The following NOL9 variants were observed in gnomAD, a reference collection of about 807,000 sequenced individuals.
The protein encoded by NOL9 is nucleolar protein 9.
Under a neutral mutation model 67.9 loss-of-function variants are expected in NOL9, and 28 were observed. The observed-to-expected ratio is 0.41, with a 90% CI of 0.31 to 0.57. NOL9 has a LOEUF of 0.57. NOL9 is among the 20% of genes least tolerant of loss of function. The pLI is 0.25. For missense variants in NOL9, 777 were observed against 897.0 expected, an observed-to-expected ratio of 0.87 and a Z score of 1.71; for synonymous variants, 356 against 352.2, an observed-to-expected ratio of 1.01 and a Z score of -0.12.
intron 3 of NOL9, among the ~76,000 whole-genome samples, chr1:6,545,983 G>A (rs1639414411): frequency 6.7e-6 from 1 of 150,092 alleles, no homozygotes; most frequent in South Asian, 2.1e-4. Context: ...CGGCAATGCT[G>A]GATCTTAGAA....
intron 3 of NOL9, among the ~76,000 whole-genome samples, chr1:6,546,008 G>A (rs575139845): frequency 1.3e-5 from 2 of 149,502 alleles, no homozygotes; most frequent in East Asian, 3.9e-4. Context: ...ACAGAACAAG[G>A]CCTTCAACAA....
Position 6,550,525 on chromosome 1 carries a change from G to C in NOL9, c.487C>G (p.Gln163Glu). 1.2e-6 allele frequency: 2 copies of C among 1,614,084 alleles called. No homozygotes were observed. Among genetic ancestry groups the C allele is most frequent in the Non-Finnish European group, 1.7e-6 (2 of 1,180,014 alleles). The change falls in exon 2 of 12, where the codon CAA becomes GAA. Residue 163 changes from glutamine (Q) to glutamate (E), a missense_variant. This residue lies in a region of NOL9 where 364 missense variants were observed against 344.4 expected (regional missense o/e 1.06). Transcript: ENST00000377705. ...GFTISQGQPA[Q>E]DIFSVYTHSC... ...TGGGTATACACAGAGAAGATGTCTTGGGCAGGCTGGCCTTGGCTGATGGTA... is the reference window on the plus strand; with the variant it reads ...TGGGTATACACAGAGAAGATGTCTTCGGCAGGCTGGCCTTGGCTGATGGTA...
At chr1:6,534,439 G>A (rs568657575) in intron 6 of NOL9, among the ~76,000 whole-genome samples, 9 of 152,328 alleles carry the variant, frequency 5.9e-5, no homozygotes, top group African/African-American at 2.2e-4. Flanking sequence ...CCAGGACTGT[G>A]TGTGACAGGG....
intron 3 of NOL9, chr1:6,549,348 CG>C: frequency 2.3e-6 from 1 of 441,898 alleles, no homozygotes; most frequent in East Asian, 4.0e-5. Flanking sequence ...TAACCAACTA[CG>C]ATATAAAATG....
chr1:6,533,379 T>G lies in NOL9; in HGVS notation c.1138A>C (p.Lys380Gln). The stretch of plus-strand genomic sequence containing the variant: ...TCAATATAATTCTCATAGTTGTTTT[T>G]ACAAGAAGGTTTCCCATAATATACC... ...KMVYYGKPSCKNNYENYIDIV... is the reference protein window; with the variant it reads ...KMVYYGKPSCQNNYENYIDIV... The change falls in exon 7 of 12, where the codon AAA becomes CAA. Residue 380 changes from lysine to glutamine, a missense_variant. By Grantham distance (53) the Lys-to-Gln change is moderately conservative (BLOSUM62 1). This residue lies in a region of NOL9 where 413 missense variants were observed against 552.6 expected (regional missense o/e 0.75). Coordinates refer to ENST00000377705, the MANE Select transcript of NOL9 (RefSeq NM_024654.5). The G allele has an allele frequency of 6.2e-7, 1 of 1,613,452 alleles. No individual in the cohort carries two copies. The highest frequency in any genetic ancestry group is 8.5e-7 in the Non-Finnish European group (1 of 1,179,568).
intron 9 of NOL9, 103 bp from the exon 10 acceptor site, chr1:6,529,274 G>A: frequency 1.9e-6 from 2 of 1,032,950 alleles, no homozygotes; most frequent in East Asian, 2.6e-5. Flanking sequence ...GTCTGCCAAA[G>A]TGCCTACTCA....
chr1:6,533,381 C>T lies in NOL9; in HGVS notation c.1136G>A (p.Cys379Tyr). ...AATATAATTCTCATAGTTGTTTTTA[C>T]AAGAAGGTTTCCCATAATATACCAT... Reference protein sequence around the residue: ...QKMVYYGKPSCKNNYENYIDI... With the variant: ...QKMVYYGKPSYKNNYENYIDI... Residue 379 changes from cysteine (C) to tyrosine (Y), a missense_variant, in exon 7 of 12, where the codon TGT (cysteine) becomes TAT (tyrosine). Around this residue, in one of 2 missense-constraint regions of NOL9, gnomAD observed 413 missense variants for 552.6 expected, o/e 0.75. Coordinates refer to ENST00000377705, the MANE Select transcript of NOL9 (RefSeq NM_024654.5). 1 of 1,613,260 alleles carries T rather than the reference C, an allele frequency of 6.2e-7. No homozygotes were observed. Among genetic ancestry groups the T allele is most frequent in the Non-Finnish European group, 8.5e-7 (1 of 1,179,468 alleles).
In NOL9 at chr1:6,529,112, T is replaced by C. The variant is rs779779870; in HGVS notation, c.1707A>G (p.Ile569Met). Residue 569 changes from isoleucine (I) to methionine (M), a missense_variant, in exon 10 of 12, where the codon ATA becomes ATG. By Grantham distance (10) the Ile-to-Met change is conservative. This residue lies in a region of NOL9 where 413 missense variants were observed against 552.6 expected (regional missense o/e 0.75). Coordinates refer to ENST00000377705, the MANE Select transcript of NOL9 (RefSeq NM_024654.5). ...ITHSDVAPTHILYAVNASWVG... is the reference protein window; with the variant it reads ...ITHSDVAPTHMLYAVNASWVG... ...CCCAGCTGGCGTTTACAGCATATAG[T>C]ATATGGGTAGGGGCGACATCAGAGT... 3 of 1,613,926 alleles carry C rather than the reference T, an allele frequency of 1.9e-6. No homozygotes were observed. The highest frequency in any genetic ancestry group is 2.2e-5 in the East Asian group (1 of 44,870).
intron 6 of NOL9, among the ~76,000 whole-genome samples, chr1:6,540,179 G>A (rs1639250478): frequency 6.8e-6 from 1 of 146,970 alleles, no homozygotes; most frequent in Non-Finnish European, 1.5e-5. Flanking sequence ...CTGGAGTGCA[G>A]TGGTGAGAGC....
At chr1:6,528,935 A>C in intron 10 of NOL9, 59 bp downstream of exon 10, 1 of 1,524,260 alleles carries the variant, frequency 6.6e-7, no homozygotes, top group Non-Finnish European at 9.1e-7. Context: ...AGTCATCTAC[A>C]GTTGAAGCAG....
chr1:6,541,622 A>G (rs1467091440), intron 6 of NOL9, among the ~76,000 whole-genome samples: 1 of 152,256 alleles, frequency 6.6e-6, no homozygotes, highest in African/African-American at 2.4e-5. Context: ...TCATAAAACA[A>G]AATGAGTAGC....
chr1:6,536,469 T>C (rs901617778), intron 6 of NOL9, among the ~76,000 whole-genome samples: 1 of 152,118 alleles, frequency 6.6e-6, no homozygotes, highest in Non-Finnish European at 1.5e-5. Flanking sequence ...AAGCTTGAGG[T>C]TGCAGTAAGC....
At chr1:6,552,209 C>T (rs7552172) in intron 1 of NOL9, among the ~76,000 whole-genome samples, 121,425 of 152,040 alleles carry the variant, frequency 0.8, 49,434 homozygotes, top group Non-Finnish European at 0.87. Flanking sequence ...ATGTGTTGAT[C>T]TGTGCAGCAA....
chr1:6,526,639 T>C, intron 11 of NOL9, 57 bp downstream of exon 11: 1 of 1,526,270 alleles, frequency 6.6e-7, no homozygotes, highest in Admixed American at 2.0e-5. Flanking sequence ...CTTCAGCTCC[T>C]CACTTCTGTG....
chr1:6,552,236 T>G (rs1484740428), intron 1 of NOL9, among the ~76,000 whole-genome samples: 1 of 152,110 alleles, frequency 6.6e-6, no homozygotes, highest in African/African-American at 2.4e-5. Context: ...AAGGCACCCA[T>G]TTAACTACGT....
Position 6,554,314 on chromosome 1 carries a change from C to T in NOL9, c.189G>A (p.Arg63=), listed in dbSNP as rs1322566688. ...LQAQASGVDW[R]EGARQVSRAA... ...CGCGCGACACCTGGCGGGCTCCCTC[C>T]CTCCAGTCCACGCCGGACGCCTGGG... is the stretch of plus-strand genomic sequence containing the variant. The change falls in exon 1 of 12, where the codon AGG becomes AGA. Residue 63 remains arginine, a synonymous_variant. Coordinates refer to ENST00000377705, the MANE Select transcript of NOL9 (RefSeq NM_024654.5). 8 of 1,477,520 alleles carry T rather than the reference C, an allele frequency of 5.4e-6. No homozygotes were observed. The South Asian group carries it at 9.4e-5, about 17-fold the overall frequency. 91.5% of individuals were successfully genotyped at this position (1,477,520 alleles called of 1,614,324 possible).
intron 6 of NOL9, among the ~76,000 whole-genome samples, chr1:6,537,304 A>C (rs1030214582): frequency 2.0e-5 from 3 of 152,152 alleles, no homozygotes; most frequent in African/African-American, 7.2e-5. Context: ...CTAGAGGAAA[A>C]GCTTCATGAC....
chr1:6,551,928 G>A (rs540996475), intron 1 of NOL9, among the ~76,000 whole-genome samples: 1 of 152,160 alleles, frequency 6.6e-6, no homozygotes, highest in African/African-American at 2.4e-5. Context: ...CCAACTACTC[G>A]GGAGGCTGAG....
At chr1:6,552,785 CCTTT>C (rs1461195013) in intron 1 of NOL9, among the ~76,000 whole-genome samples, 2 of 152,014 alleles carry the variant, frequency 1.3e-5, no homozygotes, top group African/African-American at 4.8e-5. Context: ...TTTTCCTTTT[CCTTT>C]CTTTCTTTTC....
Sources: allele counts gnomAD v4.1 joint callset (sites outside exome capture counted in the v4.1 genomes callset), GRCh38; gene constraint gnomAD v4.1.1; regional missense constraint gnomAD v4.1.1; transcripts MANE v1.5; gene names NCBI Gene and HGNC (gene_info 2026-07-23, HGNC 2026-07-21).